The following NDUFAF2 variants were observed in gnomAD, a reference collection of about 807,000 sequenced individuals.
NDUFAF2 encodes the protein NADH dehydrogenase [ubiquinone] 1 alpha subcomplex assembly factor 2.
Under a neutral mutation model 22.8 loss-of-function variants are expected in NDUFAF2, and 13 were observed. The ratio of observed to expected loss-of-function variants is 0.57; its 90% CI spans 0.37 to 0.91. The LOEUF (loss-of-function observed/expected upper bound fraction) is 0.91, where lower values mean the gene tolerates loss of function less well. Ranked by LOEUF, NDUFAF2 falls within the 40% of genes least tolerant of loss-of-function variation. NDUFAF2 has a pLI of 0.01. For missense variants in NDUFAF2, 162 were observed against 195.2 expected, an observed-to-expected ratio of 0.83 and a Z score of 1.01; for synonymous variants, 53 against 64.2, an observed-to-expected ratio of 0.83 and a Z score of 0.84.
intron 1 of NDUFAF2, among the ~76,000 whole-genome samples, chr5:61,029,121 C>T (rs1751692540): frequency 6.6e-6 from 1 of 152,166 alleles, no homozygotes; most frequent in South Asian, 2.1e-4. Context: ...AACATGAGGC[C>T]TAGCACAAGG....
At chr5:60,955,830 T>G (rs1328633078) in intron 1 of NDUFAF2, among the ~76,000 whole-genome samples, 1 of 152,196 alleles carries the variant, frequency 6.6e-6, no homozygotes, top group Non-Finnish European at 1.5e-5. Flanking sequence ...TTATTGATGT[T>G]ATTGTAAGTA....
chr5:60,982,554 C>T (rs1004260180), intron 1 of NDUFAF2, among the ~76,000 whole-genome samples: 10 of 109,150 alleles, frequency 9.2e-5, no homozygotes, highest in African/African-American at 3.6e-4. Flanking sequence ...CCCCCCTCCC[C>T]CCACCCCACA....
At chr5:61,017,312 A>G (rs1751524354) in intron 1 of NDUFAF2, among the ~76,000 whole-genome samples, 1 of 152,222 alleles carries the variant, frequency 6.6e-6, no homozygotes, top group Admixed American at 6.5e-5. Context: ...ATTAATCTAA[A>G]TTTAAAAATC....
rs1226622233 is a variant in NDUFAF2, at chr5:61,105,999, C to T, written c.258+6967C>T. Among the ~76,000 whole-genome samples the T allele has an allele frequency of 2.0e-5, 3 of 151,394 alleles. 1 individual carries two copies. The highest frequency in any genetic ancestry group is 4.9e-5 in the African/African-American group (2 of 40,774). On this transcript the variant is annotated intron_variant, in intron 3 of 3. Coordinates refer to ENST00000296597, the MANE Select transcript of NDUFAF2 (RefSeq NM_174889.5). ...CTCAGTAACTGGCAGTGCCAGAAAACTCTGAAAGTGGAGTTTAAGCTCGCA... is the reference window on the plus strand; with the variant it reads ...CTCAGTAACTGGCAGTGCCAGAAAATTCTGAAAGTGGAGTTTAAGCTCGCA...
chr5:60,998,795 T>C (rs1334526278), intron 1 of NDUFAF2, among the ~76,000 whole-genome samples: 1 of 138,680 alleles, frequency 7.2e-6, no homozygotes, highest in Non-Finnish European at 1.6e-5. Context: ...TTTTTATCAA[T>C]TGTTCATAAC....
In NDUFAF2 at chr5:61,121,801, G is replaced by GTTTCT. The variant is rs757323409; in HGVS notation, c.258+22782_258+22786dup. ...AGGAGGGAATTCTGCCTGAAGACTGGTTTCTTTTCTTTTCTTTCCTTTTCT... is the reference window on the plus strand; with the variant it reads ...AGGAGGGAATTCTGCCTGAAGACTGGTTTCTTTTCTTTTCTTTTCTTTCCTTTTCT... On this transcript the variant is annotated intron_variant, in intron 3 of 3. Coordinates refer to ENST00000296597, the MANE Select transcript of NDUFAF2 (RefSeq NM_174889.5). Among the ~76,000 whole-genome samples, 80 of 150,018 alleles carry GTTTCT rather than the reference G, an allele frequency of 5.3e-4. 1 individual carries two copies. Among genetic ancestry groups the GTTTCT allele is most frequent in the African/African-American group, 1.8e-3 (72 of 40,940 alleles).
intron 3 of NDUFAF2, among the ~76,000 whole-genome samples, chr5:61,131,842 A>G (rs1753115832): frequency 6.6e-6 from 1 of 152,062 alleles, no homozygotes; most frequent in Non-Finnish European, 1.5e-5. Context: ...AGACTTTTTA[A>G]CAGTGGATAT....
chr5:60,954,028 T>C (rs1310129692), intron 1 of NDUFAF2, among the ~76,000 whole-genome samples: 3 of 152,144 alleles, frequency 2.0e-5, no homozygotes, highest in African/African-American at 4.8e-5. Context: ...TCTAGTGATA[T>C]AAGTTAGGAT....
chr5:60,945,637 C>T (rs4647033), intron 1 of NDUFAF2, among the ~76,000 whole-genome samples: 13 of 152,222 alleles, frequency 8.5e-5, no homozygotes, highest in Non-Finnish European at 1.8e-4. Context: ...CCCCGGCGTG[C>T]CCCGGGCTGC....
chr5:61,045,421 T>G (rs1176534694), intron 1 of NDUFAF2, among the ~76,000 whole-genome samples: 1 of 151,374 alleles, frequency 6.6e-6, no homozygotes, highest in Admixed American at 6.6e-5. Flanking sequence ...TTGATTAAAT[T>G]TATTCCTAAG....
intron 1 of NDUFAF2, among the ~76,000 whole-genome samples, chr5:61,027,942 T>C (rs1751673221): frequency 6.6e-6 from 1 of 152,130 alleles, no homozygotes; most frequent in African/African-American, 2.4e-5. Flanking sequence ...TCAGACATTA[T>C]TTTAGGTTCT....
chr5:61,136,005 T>TCATATATATATATATATATA (rs1411594766), intron 3 of NDUFAF2, among the ~76,000 whole-genome samples: 1 of 96,026 alleles, frequency 1.0e-5, no homozygotes, highest in African/African-American at 5.5e-5. Context: ...AAGCCTGTCT[T>TCATATATATATATATATATA]TATATATATA....
At chr5:60,953,431 G>C (rs924807383) in intron 1 of NDUFAF2, among the ~76,000 whole-genome samples, 10 of 152,098 alleles carry the variant, frequency 6.6e-5, no homozygotes, top group African/African-American at 2.4e-4. Flanking sequence ...GTACCTGAAA[G>C]AATTCATTAC....
intron 1 of NDUFAF2, among the ~76,000 whole-genome samples, chr5:61,035,573 G>A (rs1470296251): frequency 6.6e-6 from 1 of 151,212 alleles, no homozygotes; most frequent in Non-Finnish European, 1.5e-5. Context: ...TTTATACCTT[G>A]TTCTTTAAAC....
intron 2 of NDUFAF2, among the ~76,000 whole-genome samples, chr5:61,085,102 A>G (rs1054680185): frequency 1.3e-5 from 2 of 152,182 alleles, no homozygotes; most frequent in African/African-American, 4.8e-5. Flanking sequence ...AACAATAAAG[A>G]GATACTACAA....
intron 1 of NDUFAF2, among the ~76,000 whole-genome samples, chr5:61,057,714 G>A (rs950022918): frequency 3.3e-5 from 5 of 152,086 alleles, no homozygotes; most frequent in African/African-American, 1.2e-4. Context: ...ACAATAGTTT[G>A]AAAATTATTG....
At chr5:61,135,379 G>T (rs1039220694) in intron 3 of NDUFAF2, among the ~76,000 whole-genome samples, 1 of 152,156 alleles carries the variant, frequency 6.6e-6, no homozygotes, top group African/African-American at 2.4e-5. Flanking sequence ...TATGTCAAAA[G>T]GATATAGGAG....
chr5:61,018,148 C>T (rs902372452), intron 1 of NDUFAF2, among the ~76,000 whole-genome samples: 2 of 152,116 alleles, frequency 1.3e-5, no homozygotes, highest in African/African-American at 2.4e-5. Context: ...TATCTATGCT[C>T]TTGAGGTTAT....
intron 2 of NDUFAF2, among the ~76,000 whole-genome samples, chr5:61,086,196 G>A (rs371016191): frequency 2.7e-4 from 41 of 152,124 alleles, no homozygotes; most frequent in South Asian, 6.2e-4. Flanking sequence ...ATAGAGAGAT[G>A]TACAATTTTC....
Sources: allele counts gnomAD v4.1 joint callset (sites outside exome capture counted in the v4.1 genomes callset), GRCh38; gene constraint gnomAD v4.1.1; transcripts MANE v1.5; gene names NCBI Gene and HGNC (gene_info 2026-07-23, HGNC 2026-07-21).